The following TNKS variants were observed in gnomAD, a reference collection of about 807,000 sequenced individuals.
TNKS encodes tankyrase, also known as poly [ADP-ribose] polymerase tankyrase-1.
In TNKS, 72 loss-of-function variants were observed where a neutral mutation model predicts 135.8. The observed-to-expected ratio is 0.53, with a 90% CI of 0.44 to 0.64. The LOEUF (loss-of-function observed/expected upper bound fraction) is 0.64, where lower values mean the gene tolerates loss of function less well. Ranked by LOEUF, TNKS falls within the 30% of genes least tolerant of loss-of-function variation. The probability of loss-of-function intolerance (pLI) is 0.00; values close to 1 mark genes in which losing one functional copy is unlikely to be tolerated. For missense variants in TNKS, 1,769 were observed against 1,674.0 expected (o/e 1.06, Z -0.99); for synonymous variants, 849 against 649.3 (o/e 1.31, Z -4.68).
chr8:9,735,409 C>G lies in TNKS; in HGVS notation c.2566C>G (p.Leu856Val). The G allele has an allele frequency of 1.2e-6, 2 of 1,613,890 alleles. No individual in the cohort carries two copies. The highest frequency in any genetic ancestry group is 1.7e-6 in the Non-Finnish European group (2 of 1,179,970). ...GYNNLEVAEY[L>V]LEHGADVNAQ... The stretch of plus-strand genomic sequence containing the variant: ...TAATAACCTGGAAGTAGCTGAATAT[C>G]TTCTAGAGCATGGAGCTGATGTTAA... The change falls in exon 17 of 27, where the codon CTT (leucine) becomes GTT (valine). Residue 856 changes from leucine (L) to valine (V), a missense_variant. Coordinates refer to ENST00000310430, the MANE Select transcript of TNKS (RefSeq NM_003747.3).
At chr8:9,594,589 ATTAT>A (rs1303931226) in intron 2 of TNKS, among the ~76,000 whole-genome samples, 4 of 152,080 alleles carry the variant, frequency 2.6e-5, no homozygotes, top group Non-Finnish European at 4.4e-5. Flanking sequence ...ATTCCACCAT[ATTAT>A]TTATTTATTT....
chr8:9,568,022 A>G (rs908255642), intron 1 of TNKS, among the ~76,000 whole-genome samples: 2 of 152,230 alleles, frequency 1.3e-5, no homozygotes, highest in African/African-American at 4.8e-5. Flanking sequence ...CTAACACGAA[A>G]TATGGAAAAT....
intron 20 of TNKS, among the ~76,000 whole-genome samples, chr8:9,757,271 G>A (rs1392507238): frequency 1.3e-5 from 2 of 152,110 alleles, no homozygotes; most frequent in Non-Finnish European, 2.9e-5. Flanking sequence ...CACCACACCT[G>A]GCCAGCCTCT....
At chr8:9,772,443 G>C (rs1807965460) in intron 26 of TNKS, 2 of 453,406 alleles carry the variant, frequency 4.4e-6, no homozygotes, top group African/African-American at 4.0e-5. Context: ...ATCAAAATGA[G>C]GAATGTTTTA....
intron 13 of TNKS, among the ~76,000 whole-genome samples, chr8:9,728,138 A>G (rs1024222696): frequency 3.9e-5 from 6 of 152,168 alleles, no homozygotes; most frequent in African/African-American, 1.4e-4. Flanking sequence ...TACAGCTTTT[A>G]GGTTTCTTAA....
chr8:9,762,697 T>C (rs1355386866), intron 21 of TNKS, among the ~76,000 whole-genome samples: 2 of 151,980 alleles, frequency 1.3e-5, no homozygotes, highest in Non-Finnish European at 2.9e-5. Flanking sequence ...GGTCAGGAGA[T>C]TGAGACTATC....
chr8:9,647,158 G>T (rs1216000572), intron 3 of TNKS, among the ~76,000 whole-genome samples: 2 of 152,112 alleles, frequency 1.3e-5, no homozygotes, highest in African/African-American at 4.8e-5. Flanking sequence ...CCGCAAACAC[G>T]CATAGAAACA....
At chr8:9,644,571 C>T (rs1800843547) in intron 3 of TNKS, among the ~76,000 whole-genome samples, 2 of 152,284 alleles carry the variant, frequency 1.3e-5, no homozygotes, top group African/African-American at 4.8e-5. Flanking sequence ...GAAGGCTTGT[C>T]TCCCATGTTG....
At chr8:9,604,647 A>G (rs1391630950) in intron 2 of TNKS, among the ~76,000 whole-genome samples, 2 of 151,958 alleles carry the variant, frequency 1.3e-5, no homozygotes, top group South Asian at 2.1e-4. Context: ...CTTTTTCTAA[A>G]TGATTAATGA....
chr8:9,669,146 C>T lies in TNKS; in HGVS notation c.995-10805C>T, dbSNP rs1049929014. 3.9e-5 allele frequency among the ~76,000 whole-genome samples: 6 copies of T among 152,084 alleles called. No individual in the cohort carries two copies. In the South Asian group the frequency reaches 8.3e-4, roughly 21 times the overall value. On this transcript the variant is annotated intron_variant, in intron 3 of 26. Coordinates refer to ENST00000310430, the MANE Select transcript of TNKS (RefSeq NM_003747.3). ...TAAGAATGGAAAAAAGGGCCGGGCG[C>T]GGTGGCTCACGCCTGTAATCCCAGC...
chr8:9,690,319 A>G (rs1213047622), intron 5 of TNKS, among the ~76,000 whole-genome samples: 3 of 152,220 alleles, frequency 2.0e-5, no homozygotes, highest in Non-Finnish European at 4.4e-5. Context: ...TTAAAATTGA[A>G]TTAAGTTGGC....
At chr8:9,751,577 T>A (rs1160978208) in intron 18 of TNKS, 32 bp from the exon 19 acceptor site, 1 of 1,584,920 alleles carries the variant, frequency 6.3e-7, no homozygotes, top group East Asian at 2.2e-5. Flanking sequence ...ATATAGTATT[T>A]TCATGGTTTT....
At chr8:9,659,775 C>CA (rs1324773082) in intron 3 of TNKS, among the ~76,000 whole-genome samples, 2 of 151,828 alleles carry the variant, frequency 1.3e-5, no homozygotes, top group African/African-American at 2.4e-5. Context: ...AAAAACCGTT[C>CA]AAAAAAATCA....
intron 3 of TNKS, among the ~76,000 whole-genome samples, chr8:9,659,493 C>T (rs1295864584): frequency 6.6e-6 from 1 of 151,956 alleles, no homozygotes; most frequent in Admixed American, 6.6e-5. Flanking sequence ...CTACTGGGTA[C>T]CTAACAAAAT....
At chr8:9,745,791 T>C (rs1037491834) in intron 17 of TNKS, among the ~76,000 whole-genome samples, 1 of 152,178 alleles carries the variant, frequency 6.6e-6, no homozygotes, top group Admixed American at 6.6e-5. Context: ...ATCTGTACTT[T>C]TGTTTTTAGA....
chr8:9,591,491 A>G (rs1798589092), intron 2 of TNKS, among the ~76,000 whole-genome samples: 1 of 152,232 alleles, frequency 6.6e-6, no homozygotes, highest in African/African-American at 2.4e-5. Flanking sequence ...GGACTGTAAA[A>G]GAAGCTGCGT....
chr8:9,720,942 A>C (rs1243552294), intron 12 of TNKS, among the ~76,000 whole-genome samples: 1 of 152,120 alleles, frequency 6.6e-6, no homozygotes, highest in Non-Finnish European at 1.5e-5. Context: ...TAAAATTCTT[A>C]ACTTCATTGC....
intron 3 of TNKS, among the ~76,000 whole-genome samples, chr8:9,643,056 G>C (rs1800779099): frequency 6.8e-6 from 1 of 145,990 alleles, no homozygotes; most frequent in South Asian, 2.2e-4. Flanking sequence ...AAATTACTGA[G>C]ATGGGGTTGC....
chr8:9,612,828 C>T (rs1015855013), intron 2 of TNKS, among the ~76,000 whole-genome samples: 4 of 141,626 alleles, frequency 2.8e-5, no homozygotes, highest in Admixed American at 6.9e-5. Flanking sequence ...GAAGCCTTTT[C>T]GATAACATAA....
Sources: gnomAD v4.1 joint callset for allele counts (sites outside exome capture counted in the v4.1 genomes callset) on GRCh38, gnomAD v4.1.1 for gene constraint, MANE v1.5 for transcripts, NCBI Gene and HGNC (gene_info 2026-07-23, HGNC 2026-07-21) for gene names.